Variants in ACSF3 observed in about 807,000 individuals in gnomAD.
ACSF3 encodes acyl-CoA synthetase family member 3, also known as malonate--CoA ligase ACSF3, mitochondrial.
A neutral mutation model predicts 53.2 loss-of-function variants in ACSF3; 78 were observed. That is an observed-to-expected ratio of 1.47 (90% CI 1.22 to 1.77). ACSF3 has a LOEUF of 1.77. ACSF3 is among the 40% of genes most tolerant of loss of function. ACSF3 has a pLI of 0.00. For missense variants in ACSF3, 937 were observed against 771.1 expected (o/e 1.22, Z -2.55); for synonymous variants, 414 against 333.1 (o/e 1.24, Z -2.65).
At chr16:89,110,785 G>A (rs541425166) in intron 4 of ACSF3, among the ~76,000 whole-genome samples, 5 of 152,262 alleles carry the variant, frequency 3.3e-5, no homozygotes, top group East Asian at 1.9e-4. Context: ...TCCCGTCTGC[G>A]AGCCTGGCCT....
At chr16:89,114,104 A>G (rs1904591559) in intron 5 of ACSF3, 1 of 592,536 alleles carries the variant, frequency 1.7e-6, no homozygotes, top group African/African-American at 1.8e-5. Context: ...GCTTCCTTCT[A>G]AAATACACCC....
Position 89,142,539 on chromosome 16 carries a change from C to G in ACSF3, c.1367-2728C>G, listed in dbSNP as rs549607463. On this transcript the variant is annotated intron_variant, in intron 8 of 10. Coordinates refer to ENST00000614302, the MANE Select transcript of ACSF3 (RefSeq NM_001243279.3). ...GACATACCCACACCTGCAGACACAC[C>G]CACACCTGCAGACACACCCACACCT... 1.5e-3 allele frequency among the ~76,000 whole-genome samples: 170 copies of G among 111,952 alleles called. 2 individuals carry two copies. The highest frequency in any genetic ancestry group is 6.0e-3 in the African/African-American group (153 of 25,538). 73.4% of individuals were successfully genotyped at this position (111,952 alleles called of 152,430 possible). A position where few individuals can be genotyped will look rare whatever the true frequency, so the allele number is the denominator to read the frequency against.
At chr16:89,097,903 G>A (rs1170140195) in intron 1 of ACSF3, among the ~76,000 whole-genome samples, 1 of 152,196 alleles carries the variant, frequency 6.6e-6, no homozygotes. Flanking sequence ...GAGGTTCAGG[G>A]CCCTGCGTGG....
chr16:89,102,992 T>G (rs940221974), intron 4 of ACSF3, among the ~76,000 whole-genome samples: 2 of 152,252 alleles, frequency 1.3e-5, no homozygotes, highest in Non-Finnish European at 2.9e-5. Context: ...CCTACGATGC[T>G]TTTTGCTATA....
At chr16:89,124,163 A>T (rs1463252317) in intron 7 of ACSF3, among the ~76,000 whole-genome samples, 1 of 152,076 alleles carries the variant, frequency 6.6e-6, no homozygotes, top group African/African-American at 2.4e-5. Context: ...TATCACACAC[A>T]CATACACATT....
In ACSF3 at chr16:89,146,059, G is replaced by T; in HGVS notation, c.1613+10G>T. Reference sequence around the variant, plus strand: ...TCAAAGAGTGGGCCAGGTAGGGCTGGGTGGGGCGGGCAGGGAGCACTCATG... The same window carrying T: ...TCAAAGAGTGGGCCAGGTAGGGCTGTGTGGGGCGGGCAGGGAGCACTCATG... On this transcript the variant is annotated intron_variant, in intron 10 of 10. Transcript: ENST00000614302. 2 of 1,534,672 alleles carry T rather than the reference G, an allele frequency of 1.3e-6. No individual in the cohort carries two copies. The highest frequency in any genetic ancestry group is 1.1e-5 in the South Asian group (1 of 89,370).
At chr16:89,102,016 T>C (rs1250274679) in intron 3 of ACSF3, among the ~76,000 whole-genome samples, 1 of 152,024 alleles carries the variant, frequency 6.6e-6, no homozygotes, top group Non-Finnish European at 1.5e-5. Context: ...CTGAGGGGAG[T>C]GACATGCACA....
At chr16:89,099,913 T>C (rs146053909) in intron 2 of ACSF3, among the ~76,000 whole-genome samples, 9 of 151,548 alleles carry the variant, frequency 5.9e-5, no homozygotes, top group Non-Finnish European at 1.3e-4. Flanking sequence ...AAAGCATGGC[T>C]TACACCTGCC....
chr16:89,120,657 G>A (rs1906405380), intron 6 of ACSF3, 144 bp from the exon 7 acceptor site: 1 of 805,974 alleles, frequency 1.2e-6, no homozygotes, highest in Non-Finnish European at 2.2e-6. Flanking sequence ...TCTTCTCTCT[G>A]GGTCACAGGG....
In ACSF3 at chr16:89,145,254, C is replaced by G. The variant is rs140859425; in HGVS notation, c.1367-13C>G. The G allele has an allele frequency of 0.02, 32,706 of 1,613,670 alleles. 862 individuals are homozygous for G. The highest frequency in any genetic ancestry group is 0.12 in the East Asian group (5,160 of 44,818). ...TTAAGGATGGCCAGTTAACCAGAGC[C>G]CCTTTTCCTCAGGGGACACCGTGGT... On this transcript the variant is annotated splice_polypyrimidine_tract_variant and intron_variant, in intron 8 of 10. Coordinates refer to ENST00000614302, the MANE Select transcript of ACSF3 (RefSeq NM_001243279.3).
At chr16:89,138,912 A>G (rs1597216020) in intron 8 of ACSF3, among the ~76,000 whole-genome samples, 3 of 152,364 alleles carry the variant, frequency 2.0e-5, no homozygotes, top group Non-Finnish European at 2.9e-5. Flanking sequence ...TAAACACCCA[A>G]GTAGTTGTAG....
intron 6 of ACSF3, among the ~76,000 whole-genome samples, chr16:89,119,745 C>A (rs893479302): frequency 2.0e-5 from 3 of 152,194 alleles, no homozygotes; most frequent in African/African-American, 7.2e-5. Flanking sequence ...CCCGGCTTCG[C>A]CTGCAGGACC....
intron 10 of ACSF3, chr16:89,148,030 C>T (rs1474702248): frequency 6.6e-6 from 1 of 151,700 alleles, no homozygotes; most frequent in Non-Finnish European, 1.5e-5. Context: ...AACAAAGGGG[C>T]TGCGAGCCCC....
In ACSF3 at chr16:89,120,022, G is replaced by A. The variant is rs117785977; in HGVS notation, c.1127-779G>A. Reference sequence around the variant, plus strand: ...TCTGCTCTGCCCCTAGGTCATGCCCGTGCTGACGCCACATCGCCAGGGCCG... The same window carrying A: ...TCTGCTCTGCCCCTAGGTCATGCCCATGCTGACGCCACATCGCCAGGGCCG... On this transcript the variant is annotated intron_variant, in intron 6 of 10. Coordinates refer to ENST00000614302, the MANE Select transcript of ACSF3 (RefSeq NM_001243279.3). Among the ~76,000 whole-genome samples, 102 of 152,342 alleles carry A rather than the reference G, an allele frequency of 6.7e-4. 4 individuals carry two copies. In the East Asian group the frequency reaches 0.018, roughly 27 times the overall value.
At chr16:89,109,244 A>G (rs1422440713) in intron 4 of ACSF3, among the ~76,000 whole-genome samples, 2 of 148,226 alleles carry the variant, frequency 1.3e-5, no homozygotes, top group Non-Finnish European at 3.0e-5. Context: ...AAAAAAAAAA[A>G]AAAAAAGAAA....
intron 6 of ACSF3, among the ~76,000 whole-genome samples, chr16:89,119,833 G>C (rs1396323482): frequency 6.6e-6 from 1 of 152,208 alleles, no homozygotes; most frequent in Non-Finnish European, 1.5e-5. Flanking sequence ...TCTGGAGGCC[G>C]GGACGCCCCA....
chr16:89,137,075 C>T (rs1442852537), intron 8 of ACSF3, among the ~76,000 whole-genome samples: 3 of 152,324 alleles, frequency 2.0e-5, no homozygotes, highest in East Asian at 1.9e-4. Context: ...CGGGCAGATG[C>T]GGGAGCAGCA....
intron 4 of ACSF3, among the ~76,000 whole-genome samples, chr16:89,110,867 T>C (rs1976598887): frequency 6.6e-6 from 1 of 152,212 alleles, no homozygotes; most frequent in African/African-American, 2.4e-5. Flanking sequence ...GCGGTGCTGC[T>C]GTCTCCCGCA....
chr16:89,106,083 C>G (rs894652363), intron 4 of ACSF3, among the ~76,000 whole-genome samples: 47 of 152,192 alleles, frequency 3.1e-4, no homozygotes, highest in Non-Finnish European at 5.3e-4. Context: ...GGGTCTGTGT[C>G]CCAAGGGCGT....
Sources: allele counts gnomAD v4.1 joint callset (sites outside exome capture counted in the v4.1 genomes callset), GRCh38; gene constraint gnomAD v4.1.1; transcripts MANE v1.5; gene names NCBI Gene and HGNC (gene_info 2026-07-23, HGNC 2026-07-21).